BICC1: variants seen among roughly 807,000 people sequenced by gnomAD.
The protein encoded by BICC1 is BicC family RNA binding protein 1.
In BICC1, 43 loss-of-function variants were observed where a neutral mutation model predicts 111.0. That is an observed-to-expected ratio of 0.39 (90% CI 0.30 to 0.50). The LOEUF is 0.50. BICC1 is among the 20% of genes least tolerant of loss of function. The pLI is 0.88. For synonymous variants in BICC1, 467 were observed against 434.4 expected, an observed-to-expected ratio of 1.07 and a Z score of -0.93; for missense variants, 1,091 against 1,203.2, an observed-to-expected ratio of 0.91 and a Z score of 1.38.
At chr10:58,682,955 C>A (rs1839585395) in intron 2 of BICC1, among the ~76,000 whole-genome samples, 1 of 152,158 alleles carries the variant, frequency 6.6e-6, no homozygotes, top group African/African-American at 2.4e-5. Flanking sequence ...GAAGTCCTTG[C>A]CCATGCCTAT....
At chr10:58,615,356 C>T (rs745806253) in intron 1 of BICC1, among the ~76,000 whole-genome samples, 11 of 152,150 alleles carry the variant, frequency 7.2e-5, no homozygotes, top group African/African-American at 1.2e-4. Flanking sequence ...GTCAAGAATA[C>T]GTCGAGGCAG....
intron 1 of BICC1, among the ~76,000 whole-genome samples, chr10:58,547,154 A>G (rs1843162860): frequency 6.6e-6 from 1 of 152,186 alleles, no homozygotes; most frequent in Non-Finnish European, 1.5e-5. Flanking sequence ...GTTATGAACT[A>G]CAGTCCATAC....
chr10:58,740,997 G>A (rs764482026), intron 3 of BICC1, among the ~76,000 whole-genome samples: 4 of 152,222 alleles, frequency 2.6e-5, no homozygotes, highest in South Asian at 2.1e-4. Flanking sequence ...CCCTGGAACC[G>A]TGAAAGAGTG....
chr10:58,716,225 A>G, intron 3 of BICC1: 4 of 1,495,436 alleles, frequency 2.7e-6, no homozygotes, highest in Non-Finnish European at 2.7e-6. Flanking sequence ...ACAAAAAAGA[A>G]TAAGAAGCAT....
In BICC1 at chr10:58,575,501, G is replaced by T. The variant is rs147035831; in HGVS notation, c.191-45354G>T. Among the ~76,000 whole-genome samples the T allele has an allele frequency of 2.3e-3, 347 of 152,120 alleles. 3 individuals are homozygous for T. The highest frequency in any genetic ancestry group is 7.6e-3 in the African/African-American group (316 of 41,506). On this transcript the variant is annotated intron_variant, in intron 1 of 20. Transcript: ENST00000373886. ...AGTTCCACTAGTACTGATGCAGCCA[G>T]TTTTTATTTTTATTTTATTTAGTGT...
intron 3 of BICC1, among the ~76,000 whole-genome samples, chr10:58,761,090 T>A (rs1043141613): frequency 2.2e-4 from 33 of 152,262 alleles, no homozygotes; most frequent in African/African-American, 7.7e-4. Flanking sequence ...ACTCCTGGAC[T>A]CAAGTGATCT....
intron 8 of BICC1, among the ~76,000 whole-genome samples, 163 bp from the exon 9 acceptor site, chr10:58,793,321 C>T (rs1022275484): frequency 1.4e-4 from 21 of 152,202 alleles, no homozygotes; most frequent in Non-Finnish European, 2.9e-5. Context: ...GTTAATGCCA[C>T]ACCTGTCCTC....
chr10:58,513,928 C>T (rs1842171900), intron 1 of BICC1, among the ~76,000 whole-genome samples: 1 of 152,202 alleles, frequency 6.6e-6, no homozygotes, highest in Non-Finnish European at 1.5e-5. Flanking sequence ...GGCAGTGCTG[C>T]TGTGTTTGAG....
intron 20 of BICC1, among the ~76,000 whole-genome samples, chr10:58,828,362 C>T (rs181236646): frequency 3.0e-4 from 45 of 152,282 alleles, no homozygotes; most frequent in Non-Finnish European, 5.3e-4. Context: ...ATCAGTCATA[C>T]GTCCTTTCAC....
At chr10:58,625,170 T>C (rs1360676590) in intron 2 of BICC1, among the ~76,000 whole-genome samples, 2 of 152,222 alleles carry the variant, frequency 1.3e-5, no homozygotes, top group Non-Finnish European at 2.9e-5. Context: ...CTCTATCTAA[T>C]GGAAACACAT....
chr10:58,562,867 G>T (rs187017578), intron 1 of BICC1, among the ~76,000 whole-genome samples: 31 of 152,230 alleles, frequency 2.0e-4, no homozygotes, highest in Non-Finnish European at 3.5e-4. Flanking sequence ...TTCAGTGTCA[G>T]CTGTGTCTGC....
rs541762821 is a variant in BICC1, at chr10:58,597,166, C to G, written c.191-23689C>G. Among the ~76,000 whole-genome samples the G allele has an allele frequency of 2.6e-5, 4 of 152,256 alleles. No homozygotes were observed. The South Asian group carries it at 8.3e-4, about 32-fold the overall frequency. On this transcript the variant is annotated intron_variant, in intron 1 of 20. Coordinates refer to ENST00000373886, the MANE Select transcript of BICC1 (RefSeq NM_001080512.3). The stretch of plus-strand genomic sequence containing the variant: ...CAGTACAAAGAGAGCAATTTTACAG[C>G]TGGGCCGCCAGGGGTGACATCACAT...
chr10:58,810,898 C>A (rs1185964411), intron 17 of BICC1, among the ~76,000 whole-genome samples: 2 of 152,116 alleles, frequency 1.3e-5, no homozygotes, highest in African/African-American at 2.4e-5. Flanking sequence ...ACCAATAGGT[C>A]CTGACAGGTG....
Position 58,598,691 on chromosome 10 carries a change from A to T in BICC1, c.191-22164A>T, listed in dbSNP as rs555350830. ...TTAAATTAAAGAGCTTCTGCACAGC[A>T]AAAGAAACTATCATCAGAGTGAACA... On this transcript the variant is annotated intron_variant, in intron 1 of 20. Coordinates refer to ENST00000373886, the MANE Select transcript of BICC1 (RefSeq NM_001080512.3). Among the ~76,000 whole-genome samples, 8 of 152,344 alleles carry T rather than the reference A, an allele frequency of 5.3e-5. No individual in the cohort carries two copies. The East Asian group carries it at 1.5e-3, about 29-fold the overall frequency.
At chr10:58,759,104 T>C (rs1842230365) in intron 3 of BICC1, among the ~76,000 whole-genome samples, 1 of 151,840 alleles carries the variant, frequency 6.6e-6, no homozygotes, top group African/African-American at 2.4e-5. Context: ...GGATTACAGG[T>C]GTGTGCCACC....
intron 1 of BICC1, among the ~76,000 whole-genome samples, chr10:58,559,617 G>A (rs151337274): frequency 0.012 from 1,773 of 152,164 alleles, 43 homozygotes; most frequent in African/African-American, 0.04. Context: ...AAGCCTTCCA[G>A]TACTATGTTG....
chr10:58,748,009 G>GA (rs1423876535), intron 3 of BICC1, among the ~76,000 whole-genome samples: 1 of 152,110 alleles, frequency 6.6e-6, no homozygotes, highest in African/African-American at 2.4e-5. Context: ...GGCCCTTGCA[G>GA]AAAAAACTTT....
intron 1 of BICC1, among the ~76,000 whole-genome samples, chr10:58,585,036 A>C (rs540578780): frequency 6.6e-6 from 1 of 152,218 alleles, no homozygotes; most frequent in Non-Finnish European, 1.5e-5. Context: ...CTAATTTACA[A>C]TTATACCTGG....
chr10:58,688,355 A>G (rs1839807909), intron 2 of BICC1, among the ~76,000 whole-genome samples: 1 of 152,092 alleles, frequency 6.6e-6, no homozygotes, highest in Admixed American at 6.5e-5. Context: ...GACACAGAGC[A>G]CTGATTGGTG....
Sources: allele counts gnomAD v4.1 joint callset (sites outside exome capture counted in the v4.1 genomes callset), GRCh38; gene constraint gnomAD v4.1.1; transcripts MANE v1.5; gene names NCBI Gene and HGNC (gene_info 2026-07-23, HGNC 2026-07-21).